SYT1: variants seen among roughly 807,000 people sequenced by gnomAD.
The protein encoded by SYT1 is synaptotagmin-1.
In SYT1, 8 loss-of-function variants were observed where a neutral mutation model predicts 44.8. The observed-to-expected ratio is 0.18, with a 90% CI of 0.10 to 0.32. The LOEUF (loss-of-function observed/expected upper bound fraction) is 0.32, where lower values mean the gene tolerates loss of function less well. Among genes scored for constraint, SYT1 ranks in the 10% least tolerant of loss-of-function variants. The probability of loss-of-function intolerance (pLI) is 1.00; values close to 1 mark genes in which losing one functional copy is unlikely to be tolerated. For synonymous variants in SYT1, 154 were observed against 188.8 expected (o/e 0.82, Z 1.51); for missense variants, 286 against 509.3 (o/e 0.56, Z 4.22).
At chr12:79,236,579 T>C (rs188163721) in intron 4 of SYT1, among the ~76,000 whole-genome samples, 3 of 152,350 alleles carry the variant, frequency 2.0e-5, no homozygotes, top group South Asian at 2.1e-4. Context: ...ACTTTTCATC[T>C]TCCACCAAGT....
At chr12:79,054,183 T>A (rs1874756412) in intron 3 of SYT1, among the ~76,000 whole-genome samples, 1 of 152,036 alleles carries the variant, frequency 6.6e-6, no homozygotes, top group South Asian at 2.1e-4. Flanking sequence ...TCTGTCTGAT[T>A]TCTCCTTTTC....
intron 3 of SYT1, among the ~76,000 whole-genome samples, chr12:79,214,537 A>G (rs943621741): frequency 3.9e-5 from 6 of 152,188 alleles, no homozygotes; most frequent in Non-Finnish European, 8.8e-5. Context: ...TTTATGTACA[A>G]TTATAAGCTG....
chr12:79,289,095 C>T (rs757228301), intron 5 of SYT1, among the ~76,000 whole-genome samples: 9 of 152,128 alleles, frequency 5.9e-5, no homozygotes, highest in African/African-American at 9.7e-5. Context: ...TTTTCTAGTG[C>T]GCCTTATTAA....
At chr12:79,283,564 T>C (rs1385620571) in intron 4 of SYT1, among the ~76,000 whole-genome samples, 3 of 152,150 alleles carry the variant, frequency 2.0e-5, no homozygotes, top group African/African-American at 7.2e-5. Flanking sequence ...GAGAATAATT[T>C]ATGAGGTTCA....
rs113807486 is a variant in SYT1, at chr12:79,181,866, C to T, written c.-17-35637C>T. Among the ~76,000 whole-genome samples the T allele has an allele frequency of 5.3e-5, 8 of 152,106 alleles. 1 individual carries two copies. Among genetic ancestry groups the T allele is most frequent in the African/African-American group, 1.7e-4 (7 of 41,552 alleles). On this transcript the variant is annotated intron_variant, in intron 3 of 10. Transcript: ENST00000261205. ...CAATTCTATCATCCCTTTTCCAGAA[C>T]ATCTTTATTTTCACTCTTTTTTCTC... is the stretch of plus-strand genomic sequence containing the variant.
chr12:79,029,637 A>T (rs1284452338), intron 2 of SYT1, among the ~76,000 whole-genome samples: 1 of 151,152 alleles, frequency 6.6e-6, no homozygotes, highest in Non-Finnish European at 1.5e-5. Context: ...TCCTGAATGA[A>T]ATTTTATTTA....
chr12:79,252,287 C>T (rs543823509), intron 4 of SYT1, among the ~76,000 whole-genome samples: 1 of 152,054 alleles, frequency 6.6e-6, no homozygotes, highest in African/African-American at 2.4e-5. Context: ...AGAACAATGG[C>T]TAATTTATTG....
intron 1 of SYT1, among the ~76,000 whole-genome samples, chr12:78,905,831 G>A (rs997115610): frequency 6.6e-6 from 1 of 151,844 alleles, no homozygotes; most frequent in Admixed American, 6.6e-5. Flanking sequence ...TGTAAATAAT[G>A]TAAAATCTAT....
At chr12:79,189,080 G>A (rs1177754024) in intron 3 of SYT1, among the ~76,000 whole-genome samples, 2 of 152,088 alleles carry the variant, frequency 1.3e-5, no homozygotes, top group African/African-American at 4.8e-5. Context: ...GGAGTAAACT[G>A]TAACTGAGTA....
intron 8 of SYT1, among the ~76,000 whole-genome samples, 155 bp downstream of exon 8, chr12:79,299,706 G>C (rs73351034): frequency 6.6e-6 from 1 of 151,654 alleles, no homozygotes; most frequent in South Asian, 2.1e-4. Context: ...GCACCACCTC[G>C]TTAAAAAGTG....
At chr12:79,045,118 G>A in intron 2 of SYT1, among the ~76,000 whole-genome samples, 2 of 152,082 alleles carry the variant, frequency 1.3e-5, no homozygotes, top group African/African-American at 4.8e-5. Flanking sequence ...ACAGAGGCAG[G>A]CAGGCCTCCT....
intron 9 of SYT1, among the ~76,000 whole-genome samples, chr12:79,363,909 G>A (rs1032247128): frequency 1.3e-5 from 2 of 152,012 alleles, no homozygotes; most frequent in African/African-American, 4.8e-5. Flanking sequence ...TTGAGAGCAG[G>A]GATTGTGTCT....
intron 8 of SYT1, among the ~76,000 whole-genome samples, chr12:79,334,327 C>T (rs1312971190): frequency 6.6e-6 from 1 of 151,932 alleles, no homozygotes; most frequent in Non-Finnish European, 1.5e-5. Flanking sequence ...CGATTAAAAC[C>T]CAGGACATAT....
chr12:79,243,822 G>A (rs1876657706), intron 4 of SYT1, among the ~76,000 whole-genome samples: 1 of 151,594 alleles, frequency 6.6e-6, no homozygotes, highest in Non-Finnish European at 1.5e-5. Context: ...AGGAGGGAAG[G>A]AAAAAAGAGA....
chr12:79,223,907 C>T (rs537326326), intron 4 of SYT1, among the ~76,000 whole-genome samples: 1 of 152,292 alleles, frequency 6.6e-6, no homozygotes, highest in East Asian at 1.9e-4. Context: ...CCTCTCTTTC[C>T]CCCAAGTTGA....
chr12:79,299,648 T>C (rs1880038970), intron 8 of SYT1, 97 bp downstream of exon 8: 2 of 1,446,296 alleles, frequency 1.4e-6, no homozygotes, highest in South Asian at 2.7e-5. Context: ...CAAAGGGGGA[T>C]GTGGGCCTCT....
chr12:79,126,927 G>A (rs10861557), intron 3 of SYT1, among the ~76,000 whole-genome samples: 17,485 of 152,182 alleles, frequency 0.11, 1,080 homozygotes, highest in African/African-American at 0.13. Context: ...AACACATCAT[G>A]CTTGTTTCCA....
chr12:79,319,527 G>A (rs1881255436), intron 8 of SYT1, among the ~76,000 whole-genome samples: 1 of 152,148 alleles, frequency 6.6e-6, no homozygotes, highest in African/African-American at 2.4e-5. Flanking sequence ...TGCAAGGGAT[G>A]ATGTTTTGGT....
intron 3 of SYT1, among the ~76,000 whole-genome samples, chr12:79,087,882 T>A (rs999406859): frequency 6.6e-5 from 10 of 152,124 alleles, no homozygotes; most frequent in African/African-American, 2.4e-4. Flanking sequence ...CTGTTCATTT[T>A]TTCCTCCCTC....
Sources: allele counts gnomAD v4.1 joint callset (sites outside exome capture counted in the v4.1 genomes callset), GRCh38; gene constraint gnomAD v4.1.1; transcripts MANE v1.5; gene names NCBI Gene and HGNC (gene_info 2026-07-23, HGNC 2026-07-21).